Variants in GRIP1 observed in about 807,000 individuals in gnomAD.
GRIP1 encodes the protein glutamate receptor-interacting protein 1.
In GRIP1, 45 loss-of-function variants were observed where a neutral mutation model predicts 129.9. That is an observed-to-expected ratio of 0.35 (90% confidence interval 0.27 to 0.44). GRIP1 has a LOEUF of 0.44. GRIP1 is among the 20% of genes least tolerant of loss of function. The probability of loss-of-function intolerance (pLI) is 1.00; values close to 1 mark genes in which losing one functional copy is unlikely to be tolerated. For missense variants in GRIP1, 1,196 were observed against 1,396.8 expected, an observed-to-expected ratio of 0.86 and a Z score of 2.29; for synonymous variants, 530 against 520.8, an observed-to-expected ratio of 1.02 and a Z score of -0.24.
chr12:66,382,480 A>G (rs1207929376), intron 19 of GRIP1, among the ~76,000 whole-genome samples: 1 of 152,252 alleles, frequency 6.6e-6, no homozygotes, highest in African/African-American at 2.4e-5. Flanking sequence ...AAATGGGGAT[A>G]ACAATAGGTA....
At chr12:66,543,718 G>A (rs1015392453) in intron 2 of GRIP1, among the ~76,000 whole-genome samples, 4 of 152,072 alleles carry the variant, frequency 2.6e-5, no homozygotes, top group African/African-American at 7.2e-5. Flanking sequence ...GATGATGACC[G>A]TTCATATTAA....
intron 14 of GRIP1, among the ~76,000 whole-genome samples, chr12:66,431,524 A>G (rs927266646): frequency 6.6e-6 from 1 of 152,208 alleles, no homozygotes; most frequent in African/African-American, 2.4e-5. Context: ...TGAATCAGAC[A>G]GCACCATTTC....
chr12:66,703,382 C>G (rs952323385), intron 1 of GRIP1, among the ~76,000 whole-genome samples: 1 of 151,962 alleles, frequency 6.6e-6, no homozygotes, highest in Admixed American at 6.6e-5. Context: ...AGAGAAGAGG[C>G]ATGATAATAT....
chr12:67,006,063 T>C (rs1275932765), intron 1 of GRIP1, among the ~76,000 whole-genome samples: 1 of 152,192 alleles, frequency 6.6e-6, no homozygotes, highest in African/African-American at 2.4e-5. Flanking sequence ...GTAGCATCAA[T>C]GCTTTTAATA....
intron 2 of GRIP1, among the ~76,000 whole-genome samples, chr12:66,585,000 C>T (rs1180140247): frequency 6.6e-6 from 1 of 152,068 alleles, no homozygotes; most frequent in East Asian, 1.9e-4. Flanking sequence ...CCCGCTGACC[C>T]GTTGGTGCAC....
At chr12:66,865,354 T>A (rs1228148647) in intron 1 of GRIP1, among the ~76,000 whole-genome samples, 1 of 152,164 alleles carries the variant, frequency 6.6e-6, no homozygotes, top group Non-Finnish European at 1.5e-5. Flanking sequence ...TCAAAGAATC[T>A]TATTCTTTTT....
chr12:67,044,946 G>A (rs2043231603), intron 1 of GRIP1, among the ~76,000 whole-genome samples: 1 of 152,164 alleles, frequency 6.6e-6, no homozygotes, highest in Non-Finnish European at 1.5e-5. Context: ...AAGAAGGTAT[G>A]ATCACTAATC....
At chr12:66,961,532 A>C (rs1000089517) in intron 1 of GRIP1, among the ~76,000 whole-genome samples, 15 of 152,132 alleles carry the variant, frequency 9.9e-5, no homozygotes, top group African/African-American at 3.6e-4. Context: ...AACTACAAAA[A>C]CCGGTTTAAC....
chr12:66,423,447 T>A (rs1051482614), intron 14 of GRIP1, among the ~76,000 whole-genome samples: 15 of 152,248 alleles, frequency 9.9e-5, no homozygotes, highest in African/African-American at 1.9e-4. Flanking sequence ...TTTGCCTCTA[T>A]CCTCATTGGG....
At chr12:66,580,444 T>C (rs1454767511) in intron 2 of GRIP1, among the ~76,000 whole-genome samples, 2 of 151,906 alleles carry the variant, frequency 1.3e-5, no homozygotes, top group African/African-American at 4.8e-5. Flanking sequence ...AATGCTCCAA[T>C]TAAAAGACAC....
intron 1 of GRIP1, among the ~76,000 whole-genome samples, chr12:66,979,059 T>C (rs2042196862): frequency 6.6e-6 from 1 of 151,922 alleles, no homozygotes; most frequent in African/African-American, 2.4e-5. Flanking sequence ...CCCCAGGATA[T>C]ATGATTTACT....
intron 1 of GRIP1, among the ~76,000 whole-genome samples, chr12:67,009,624 T>C (rs1326591421): frequency 6.6e-6 from 1 of 152,202 alleles, no homozygotes; most frequent in African/African-American, 2.4e-5. Context: ...AGACTGACCA[T>C]AGACTGCTCA....
At chr12:66,568,415 T>C (rs997523636) in intron 2 of GRIP1, 2 of 172,814 alleles carry the variant, frequency 1.2e-5, no homozygotes, top group African/African-American at 4.8e-5. Context: ...GTAAGATCCA[T>C]ACTAAGCCTA....
chr12:66,640,392 C>T (rs2031815480), intron 1 of GRIP1, among the ~76,000 whole-genome samples: 1 of 152,070 alleles, frequency 6.6e-6, no homozygotes, highest in Admixed American at 6.6e-5. Flanking sequence ...ATTGGTCATC[C>T]CTAGAATAAC....
chr12:66,852,826 T>A (rs889673103), intron 1 of GRIP1, among the ~76,000 whole-genome samples: 2 of 151,970 alleles, frequency 1.3e-5, no homozygotes, highest in Non-Finnish European at 2.9e-5. Flanking sequence ...ATAAAATGAT[T>A]CCATTTATAA....
chr12:66,413,664 C>A (rs11520158), intron 15 of GRIP1, among the ~76,000 whole-genome samples: 92,526 of 151,928 alleles, frequency 0.61, 28,445 homozygotes, highest in Non-Finnish European at 0.66. Flanking sequence ...ACTTCAGGCT[C>A]ATATTCTTGA....
intron 11 of GRIP1, among the ~76,000 whole-genome samples, chr12:66,452,154 A>AGCAGG (rs1204143311): frequency 6.6e-6 from 1 of 152,226 alleles, no homozygotes; most frequent in South Asian, 2.1e-4. Context: ...GGGAACAGAA[A>AGCAGG]GCAGGGCAAA....
In GRIP1 at chr12:66,377,277, C is replaced by T. The variant is rs1489437931; in HGVS notation, c.2630G>A (p.Gly877Glu). 6.2e-7 allele frequency: 1 copy of T among 1,607,666 alleles called. No homozygotes were observed. The highest frequency in any genetic ancestry group is 1.7e-5 in the Admixed American group (1 of 60,004). ...TTCTGTCTCTGCACTATCGGCAGCC[C>T]CTGCAAAACTGTTGTCAAGAAACAC... The part of the protein sequence containing the change: ...WDRSTASGFA[G>E]AADSAETEQE... Residue 877 changes from glycine (G) to glutamate (E), a missense_variant, in exon 21 of 25, where the codon GGG becomes GAG. Around this residue, in one of 5 missense-constraint regions of GRIP1, gnomAD observed 427 missense variants for 463.3 expected, o/e 0.92. Coordinates refer to ENST00000359742, the MANE Select transcript of GRIP1 (RefSeq NM_001366722.1).
At chr12:67,055,005 AGGTT>A (rs2043411541) in intron 1 of GRIP1, among the ~76,000 whole-genome samples, 1 of 152,208 alleles carries the variant, frequency 6.6e-6, no homozygotes, top group Non-Finnish European at 1.5e-5. Flanking sequence ...ACCAATGTAG[AGGTT>A]ATTGGTTCTC....
Sources: gnomAD v4.1 joint callset for allele counts (sites outside exome capture counted in the v4.1 genomes callset) on GRCh38, gnomAD v4.1.1 for gene constraint, gnomAD v4.1.1 regional missense constraint, MANE v1.5 for transcripts, NCBI Gene and HGNC (gene_info 2026-07-23, HGNC 2026-07-21) for gene names.